Variants in SOX6 observed in about 807,000 individuals in gnomAD.
The protein encoded by SOX6 is SRY-box transcription factor 6, also known as transcription factor SOX-6.
SOX6 carries 11 observed loss-of-function variants against 97.8 expected under a neutral mutation model. That is an observed-to-expected ratio of 0.11 (90% confidence interval 0.07 to 0.19). SOX6 has a LOEUF of 0.19. Among genes scored for constraint, SOX6 ranks in the 10% least tolerant of loss-of-function variants. SOX6 has a pLI of 1.00. For missense variants in SOX6, 810 were observed against 1,039.5 expected, an observed-to-expected ratio of 0.78 and a Z score of 3.04; for synonymous variants, 360 against 371.4, an observed-to-expected ratio of 0.97 and a Z score of 0.35.
intron 1 of SOX6, among the ~76,000 whole-genome samples, chr11:16,463,056 T>G (rs1375618840): frequency 1.3e-5 from 2 of 152,168 alleles, no homozygotes; most frequent in African/African-American, 4.8e-5. Flanking sequence ...GGCCAAATAT[T>G]TGAGGTGCTC....
intron 1 of SOX6, among the ~76,000 whole-genome samples, chr11:16,441,480 A>T (rs891866344): frequency 1.3e-5 from 2 of 152,148 alleles, no homozygotes; most frequent in African/African-American, 4.8e-5. Flanking sequence ...CCTCTCCAAC[A>T]TTGAAGGCTA....
chr11:16,092,715 T>C (rs902233196), intron 9 of SOX6, among the ~76,000 whole-genome samples: 6 of 151,846 alleles, frequency 4.0e-5, no homozygotes, highest in Non-Finnish European at 7.4e-5. Flanking sequence ...GGTACCAGAT[T>C]TTGTTTAATA....
chr11:16,431,090 T>C (rs1372197721), intron 1 of SOX6, among the ~76,000 whole-genome samples: 1 of 152,122 alleles, frequency 6.6e-6, no homozygotes, highest in East Asian at 1.9e-4. Context: ...CCACCAGATA[T>C]CTGCTTGGTT....
intron 2 of SOX6, among the ~76,000 whole-genome samples, chr11:16,727,530 A>C (rs1055196937): frequency 6.6e-6 from 1 of 151,960 alleles, no homozygotes; most frequent in Non-Finnish European, 1.5e-5. Context: ...CCCAGGATCA[A>C]GCAATTTTTG....
At chr11:15,979,881 C>T (rs1255629543) in intron 15 of SOX6, among the ~76,000 whole-genome samples, 3 of 152,056 alleles carry the variant, frequency 2.0e-5, no homozygotes, top group Admixed American at 6.6e-5. Context: ...TTCTAAGGCA[C>T]CTCTCACTAT....
intron 4 of SOX6, among the ~76,000 whole-genome samples, chr11:16,581,509 C>T (rs1444149817): frequency 6.6e-6 from 1 of 152,084 alleles, no homozygotes; most frequent in East Asian, 1.9e-4. Flanking sequence ...GGCTTAAAAC[C>T]TAGATGACAG....
chr11:15,980,191 C>T lies in SOX6; in HGVS notation c.2183+6013G>A, dbSNP rs544015402. Reference sequence around the variant, plus strand: ...AAGGGGAGATTTGTTCTAGGAGACACGAAAGAAGAAGATTAGAACCAATCT... The same window carrying T: ...AAGGGGAGATTTGTTCTAGGAGACATGAAAGAAGAAGATTAGAACCAATCT... On this transcript the variant is annotated intron_variant, in intron 15 of 15. Coordinates refer to ENST00000683767, the MANE Select transcript of SOX6 (RefSeq NM_001367873.1). Among the ~76,000 whole-genome samples the T allele has an allele frequency of 4.6e-5, 7 of 151,770 alleles. No individual in the cohort carries two copies. In the East Asian group the frequency reaches 5.8e-4, roughly 13 times the overall value.
intron 6 of SOX6, among the ~76,000 whole-genome samples, chr11:16,160,563 G>C (rs1015744195): frequency 1.3e-5 from 2 of 152,134 alleles, no homozygotes; most frequent in Non-Finnish European, 2.9e-5. Context: ...GGCTAATGTG[G>C]TTTTTAACAT....
chr11:16,017,327 G>T (rs1188883460), intron 12 of SOX6, among the ~76,000 whole-genome samples: 1 of 151,910 alleles, frequency 6.6e-6, no homozygotes, highest in African/African-American at 2.4e-5. Context: ...TGACAGAGTA[G>T]AAGTCAAGGA....
chr11:16,005,755 A>C (rs991768457), intron 13 of SOX6, among the ~76,000 whole-genome samples: 7 of 152,052 alleles, frequency 4.6e-5, no homozygotes, highest in Non-Finnish European at 8.8e-5. Context: ...ATGATTGAAC[A>C]TATTTCTTAT....
chr11:16,053,685 A>T (rs1847741851), intron 10 of SOX6, among the ~76,000 whole-genome samples: 1 of 152,158 alleles, frequency 6.6e-6, no homozygotes, highest in Admixed American at 6.5e-5. Context: ...GTTATAGTAG[A>T]CAAAAGTTTT....
chr11:16,152,145 T>C (rs1032645066), intron 6 of SOX6, among the ~76,000 whole-genome samples: 2 of 152,236 alleles, frequency 1.3e-5, no homozygotes, highest in African/African-American at 4.8e-5. Context: ...CAGTTTGCTT[T>C]TTCAAACATT....
chr11:16,192,376 G>T (rs1025661091), intron 4 of SOX6, among the ~76,000 whole-genome samples: 3 of 151,852 alleles, frequency 2.0e-5, no homozygotes, highest in African/African-American at 7.3e-5. Flanking sequence ...AGTGACTTCA[G>T]ATTTACTGAA....
chr11:16,333,913 G>A (rs979949302), intron 2 of SOX6, among the ~76,000 whole-genome samples: 1 of 152,142 alleles, frequency 6.6e-6, no homozygotes. Context: ...CAGTACATAG[G>A]TAAAGTAAAT....
chr11:15,977,389 C>T (rs1478327926), intron 15 of SOX6, among the ~76,000 whole-genome samples: 3 of 152,002 alleles, frequency 2.0e-5, no homozygotes, highest in Non-Finnish European at 4.4e-5. Flanking sequence ...TCTCTAACCA[C>T]CACATCTTAT....
intron 1 of SOX6, among the ~76,000 whole-genome samples, chr11:16,412,406 T>G (rs1858838533): frequency 1.3e-5 from 2 of 152,344 alleles, no homozygotes; most frequent in South Asian, 4.1e-4. Context: ...TATGCAACTT[T>G]GGCTGTATGC....
intron 13 of SOX6, among the ~76,000 whole-genome samples, chr11:16,008,575 G>C (rs1448909110): frequency 3.9e-5 from 6 of 152,006 alleles, no homozygotes; most frequent in Non-Finnish European, 8.8e-5. Flanking sequence ...TTAGGAGATG[G>C]AGTTATACAA....
chr11:16,212,677 A>T (rs1246544373), intron 4 of SOX6, among the ~76,000 whole-genome samples: 2 of 152,216 alleles, frequency 1.3e-5, no homozygotes, highest in East Asian at 3.9e-4. Flanking sequence ...CTTTTCTCAA[A>T]GCAGATATAT....
chr11:15,995,366 G>A (rs955519848), intron 13 of SOX6, among the ~76,000 whole-genome samples: 5 of 152,126 alleles, frequency 3.3e-5, no homozygotes, highest in Non-Finnish European at 5.9e-5. Context: ...CTCCCTAACA[G>A]TGCAAAAACT....
Sources: allele counts gnomAD v4.1 joint callset (sites outside exome capture counted in the v4.1 genomes callset), GRCh38; gene constraint gnomAD v4.1.1; transcripts MANE v1.5; gene names NCBI Gene and HGNC (gene_info 2026-07-23, HGNC 2026-07-21).